PTPRD: variants seen among roughly 807,000 people sequenced by gnomAD.
PTPRD encodes receptor-type tyrosine-protein phosphatase delta.
A neutral mutation model predicts 214.5 loss-of-function variants in PTPRD; 34 were observed. That is an observed-to-expected ratio of 0.16 (90% CI 0.12 to 0.21). The LOEUF (loss-of-function observed/expected upper bound fraction) is 0.21. PTPRD is among the 10% of genes least tolerant of loss of function. The pLI is 1.00. For missense variants in PTPRD, 2,545 were observed against 2,398.7 expected, an observed-to-expected ratio of 1.06 and a Z score of -1.27; for synonymous variants, 1,128 against 845.7, an observed-to-expected ratio of 1.33 and a Z score of -5.79.
intron 34 of PTPRD, among the ~76,000 whole-genome samples, chr9:8,449,301 CA>C (rs2095849516): frequency 7.1e-6 from 1 of 140,196 alleles, no homozygotes; most frequent in Non-Finnish European, 1.6e-5. Flanking sequence ...TAAACACAAA[CA>C]AAAAGGAAAA....
chr9:10,033,029 T>G (rs896159166), intron 4 of PTPRD, among the ~76,000 whole-genome samples: 9 of 151,580 alleles, frequency 5.9e-5, no homozygotes, highest in South Asian at 2.1e-4. Context: ...ATTGGGAAAG[T>G]TGAAATTAAC....
intron 2 of PTPRD, among the ~76,000 whole-genome samples, chr9:10,586,534 C>T (rs1567075895): frequency 6.6e-6 from 1 of 151,968 alleles, no homozygotes; most frequent in Admixed American, 6.6e-5. Flanking sequence ...CTAAATCTAC[C>T]GCAGTTAGTC....
intron 2 of PTPRD, among the ~76,000 whole-genome samples, chr9:10,547,615 G>A (rs1266772980): frequency 1.3e-5 from 2 of 151,726 alleles, no homozygotes; most frequent in African/African-American, 4.8e-5. Context: ...CTTCATTCTA[G>A]TGTCTTTTTC....
chr9:9,349,596 T>C (rs2050313764), intron 9 of PTPRD, among the ~76,000 whole-genome samples: 1 of 151,866 alleles, frequency 6.6e-6, no homozygotes, highest in Admixed American at 6.6e-5. Context: ...CTAAGTTTTT[T>C]TTTTTTTGTA....
At chr9:9,996,236 G>A (rs2096118679) in intron 4 of PTPRD, among the ~76,000 whole-genome samples, 1 of 152,056 alleles carries the variant, frequency 6.6e-6, no homozygotes, top group African/African-American at 2.4e-5. Flanking sequence ...CTTAAGTTGG[G>A]AGTTACTCCA....
chr9:9,350,903 C>A (rs2050842582), intron 9 of PTPRD, among the ~76,000 whole-genome samples: 1 of 151,980 alleles, frequency 6.6e-6, no homozygotes, highest in Non-Finnish European at 1.5e-5. Flanking sequence ...CTGAGAGTGT[C>A]CAGTTGTCAT....
At chr9:9,783,826 T>A (rs916980471) in intron 5 of PTPRD, among the ~76,000 whole-genome samples, 99 of 151,930 alleles carry the variant, frequency 6.5e-4, no homozygotes, top group South Asian at 5.4e-3. Flanking sequence ...TTCGTTTTTT[T>A]TTTTTTTTTT....
At chr9:8,318,899 G>A (rs553768341) in intron 45 of PTPRD, among the ~76,000 whole-genome samples, 1 of 152,056 alleles carries the variant, frequency 6.6e-6, no homozygotes, top group African/African-American at 2.4e-5. Context: ...GGCCAATCGG[G>A]CTGAAAGTAG....
chr9:9,989,477 G>T (rs1370431851), intron 4 of PTPRD, among the ~76,000 whole-genome samples: 1 of 152,158 alleles, frequency 6.6e-6, no homozygotes, highest in Admixed American at 6.5e-5. Context: ...CTTGATGGCA[G>T]GACTTTGGAG....
At chr9:10,147,639 G>C (rs996981706) in intron 3 of PTPRD, among the ~76,000 whole-genome samples, 5 of 152,116 alleles carry the variant, frequency 3.3e-5, no homozygotes, top group African/African-American at 9.7e-5. Context: ...CAGCACTTTA[G>C]GATGCCAAGG....
intron 2 of PTPRD, among the ~76,000 whole-genome samples, chr9:10,508,127 T>G (rs924525610): frequency 7.2e-5 from 11 of 151,968 alleles, no homozygotes; most frequent in Non-Finnish European, 1.3e-4. Context: ...CATCAAAAAG[T>G]GGGTGAAGGA....
chr9:8,828,897 G>T (rs569112867), intron 11 of PTPRD, among the ~76,000 whole-genome samples: 1 of 151,996 alleles, frequency 6.6e-6, no homozygotes, highest in East Asian at 1.9e-4. Context: ...ATAACTTAGG[G>T]TGCGTTCATC....
intron 5 of PTPRD, among the ~76,000 whole-genome samples, chr9:9,794,097 A>C (rs1281609211): frequency 1.3e-5 from 2 of 151,904 alleles, no homozygotes; most frequent in Non-Finnish European, 2.9e-5. Context: ...TTCAGAGCTC[A>C]TCAAGAGAGT....
intron 7 of PTPRD, among the ~76,000 whole-genome samples, chr9:9,733,945 A>G (rs1174187529): frequency 6.6e-6 from 1 of 152,180 alleles, no homozygotes; most frequent in African/African-American, 2.4e-5. Flanking sequence ...AAAATACACA[A>G]CTTCACAGAA....
chr9:10,104,847 C>T (rs74351581), intron 3 of PTPRD, among the ~76,000 whole-genome samples: 2,407 of 151,942 alleles, frequency 0.016, 55 homozygotes, highest in African/African-American at 0.054. Context: ...TTAGCATAGA[C>T]GATGATTTGC....
chr9:8,708,465 G>A (rs940145927), intron 12 of PTPRD, among the ~76,000 whole-genome samples: 1 of 151,914 alleles, frequency 6.6e-6, no homozygotes, highest in South Asian at 2.1e-4. Context: ...CCTAGGGTCA[G>A]GAGTTCGAGA....
chr9:10,333,508 T>A (rs1330593674), intron 3 of PTPRD, among the ~76,000 whole-genome samples: 1 of 151,890 alleles, frequency 6.6e-6, no homozygotes, highest in Non-Finnish European at 1.5e-5. Flanking sequence ...GCCATTTAAT[T>A]GGCTGCCCTG....
intron 10 of PTPRD, among the ~76,000 whole-genome samples, chr9:9,141,621 T>C (rs1264706757): frequency 1.3e-5 from 2 of 151,518 alleles, no homozygotes; most frequent in South Asian, 4.2e-4. Flanking sequence ...CCGGGAACAG[T>C]GCACATCATG....
At chr9:9,747,425 A>G (rs2098468842) in intron 6 of PTPRD, among the ~76,000 whole-genome samples, 1 of 152,166 alleles carries the variant, frequency 6.6e-6, no homozygotes, top group Admixed American at 6.5e-5. Context: ...GAGCCATGCT[A>G]CAAGACAGAA....
Sources: gnomAD v4.1 joint callset for allele counts (sites outside exome capture counted in the v4.1 genomes callset) on GRCh38, gnomAD v4.1.1 for gene constraint, MANE v1.5 for transcripts, NCBI Gene and HGNC (gene_info 2026-07-23, HGNC 2026-07-21) for gene names.